The following MAGI1 variants were observed in gnomAD, a reference collection of about 807,000 sequenced individuals.
MAGI1 encodes membrane associated guanylate kinase, WW and PDZ domain containing 1.
In MAGI1, 58 loss-of-function variants were observed where a neutral mutation model predicts 139.9. The ratio of observed to expected loss-of-function variants is 0.41; its 90% CI spans 0.34 to 0.52. The LOEUF (loss-of-function observed/expected upper bound fraction) is 0.52. Among genes scored for constraint, MAGI1 ranks in the 20% least tolerant of loss-of-function variants. MAGI1 has a pLI of 0.12. For missense variants in MAGI1, 1,874 were observed against 1,901.6 expected (o/e 0.99, Z 0.27); for synonymous variants, 812 against 737.9 (o/e 1.10, Z -1.63).
intron 1 of MAGI1, among the ~76,000 whole-genome samples, chr3:65,634,475 G>A (rs1410413333): frequency 1.3e-5 from 2 of 152,150 alleles, no homozygotes; most frequent in African/African-American, 4.8e-5. Context: ...CTTCAAGCGA[G>A]GCTTGATTAG....
intron 2 of MAGI1, among the ~76,000 whole-genome samples, chr3:65,496,208 A>ATT (rs34556532): frequency 0.34 from 50,282 of 146,758 alleles, 9,238 homozygotes; most frequent in East Asian, 0.73. Context: ...CACCCAGCTA[A>ATT]TTTTTTTTTT....
intron 1 of MAGI1, among the ~76,000 whole-genome samples, chr3:65,852,876 C>T (rs1050915404): frequency 2.6e-5 from 4 of 151,380 alleles, no homozygotes; most frequent in Admixed American, 6.6e-5. Context: ...TGGCTCACAC[C>T]TGTAATCCCA....
At chr3:65,795,770 G>A (rs986541935) in intron 1 of MAGI1, among the ~76,000 whole-genome samples, 21 of 150,280 alleles carry the variant, frequency 1.4e-4, no homozygotes, top group African/African-American at 4.6e-4. Flanking sequence ...TGGTCAGGCC[G>A]AGGGGTGTGA....
chr3:65,666,638 G>A (rs1004617383), intron 1 of MAGI1, among the ~76,000 whole-genome samples: 32 of 152,160 alleles, frequency 2.1e-4, no homozygotes, highest in Admixed American at 1.1e-3. Flanking sequence ...TTGACCATGC[G>A]TTTCCTTTAC....
At chr3:65,915,628 G>A (rs766292061) in intron 1 of MAGI1, among the ~76,000 whole-genome samples, 2 of 152,136 alleles carry the variant, frequency 1.3e-5, no homozygotes, top group Non-Finnish European at 2.9e-5. Flanking sequence ...GTTTACAGCT[G>A]CACTGGTTGT....
intron 2 of MAGI1, among the ~76,000 whole-genome samples, chr3:65,571,583 C>T (rs1383941997): frequency 6.6e-6 from 1 of 151,378 alleles, no homozygotes; most frequent in Non-Finnish European, 1.5e-5. Flanking sequence ...AAGCGATAAG[C>T]AACCAACTTC....
chr3:65,541,901 G>A (rs1046121429), intron 2 of MAGI1, among the ~76,000 whole-genome samples: 14 of 152,280 alleles, frequency 9.2e-5, no homozygotes, highest in Middle Eastern at 3.4e-3. Flanking sequence ...ATTCAACATA[G>A]TGTTGGAAGT....
intron 1 of MAGI1, among the ~76,000 whole-genome samples, chr3:65,635,266 T>C (rs10428144): frequency 0.1 from 15,307 of 152,026 alleles, 1,926 homozygotes; most frequent in African/African-American, 0.3. Flanking sequence ...GATTTCACCA[T>C]GTCAGCCAGG....
intron 1 of MAGI1, among the ~76,000 whole-genome samples, chr3:65,848,030 G>A (rs996978522): frequency 6.6e-6 from 1 of 152,202 alleles, no homozygotes; most frequent in Non-Finnish European, 1.5e-5. Flanking sequence ...TAGCTCAGAA[G>A]TGATCAATAC....
chr3:65,955,267 A>T (rs898472977), intron 1 of MAGI1, among the ~76,000 whole-genome samples: 5 of 152,246 alleles, frequency 3.3e-5, no homozygotes, highest in African/African-American at 1.2e-4. Flanking sequence ...AAACTTTGGG[A>T]GGCCAAAGCA....
chr3:65,820,686 A>G (rs965589697), intron 1 of MAGI1, among the ~76,000 whole-genome samples: 3 of 152,094 alleles, frequency 2.0e-5, no homozygotes, highest in Non-Finnish European at 4.4e-5. Flanking sequence ...AAACTAACTC[A>G]AGTTCCCTAA....
chr3:66,015,173 T>TCTC (rs1428380995), intron 1 of MAGI1, among the ~76,000 whole-genome samples: 2 of 88,528 alleles, frequency 2.3e-5, no homozygotes, highest in African/African-American at 9.0e-5. Flanking sequence ...TGAGACCCTG[T>TCTC]CTCTACAAAA....
intron 1 of MAGI1, 67 bp from the exon 2 acceptor site, chr3:65,622,155 G>C: frequency 1.8e-6 from 2 of 1,111,758 alleles, no homozygotes; most frequent in Non-Finnish European, 2.8e-6. Flanking sequence ...AAGTAGCCAA[G>C]AACTGATTGC....
At chr3:65,587,157 T>C (rs1024568206) in intron 2 of MAGI1, among the ~76,000 whole-genome samples, 3 of 152,160 alleles carry the variant, frequency 2.0e-5, no homozygotes, top group African/African-American at 7.2e-5. Context: ...CTTAATGCCA[T>C]TGGGATACAG....
intron 1 of MAGI1, among the ~76,000 whole-genome samples, chr3:65,745,636 T>G (rs1330635716): frequency 1.3e-5 from 2 of 152,248 alleles, no homozygotes; most frequent in Non-Finnish European, 2.9e-5. Flanking sequence ...ATAGGCAAAT[T>G]TTATGCCTTT....
chr3:65,799,226 A>G (rs1472421481), intron 1 of MAGI1, among the ~76,000 whole-genome samples: 2 of 152,208 alleles, frequency 1.3e-5, no homozygotes, highest in East Asian at 1.9e-4. Context: ...TCAAACTACA[A>G]AAGTTATGGC....
intron 1 of MAGI1, among the ~76,000 whole-genome samples, chr3:65,985,943 T>C (rs1423928280): frequency 3.3e-5 from 5 of 152,232 alleles, no homozygotes; most frequent in African/African-American, 1.2e-4. Flanking sequence ...TTAGAACTGT[T>C]AGTCAAGAAG....
chr3:65,804,908 C>G (rs1438511280), intron 1 of MAGI1, among the ~76,000 whole-genome samples: 1 of 152,118 alleles, frequency 6.6e-6, no homozygotes, highest in Non-Finnish European at 1.5e-5. Flanking sequence ...AACTGGAACC[C>G]TTCCTTACAC....
At chr3:65,693,864 AGG>A (rs1237265428) in intron 1 of MAGI1, among the ~76,000 whole-genome samples, 153 of 151,338 alleles carry the variant, frequency 1.0e-3, no homozygotes, top group Non-Finnish European at 2.2e-4. Context: ...CTGGGATTAC[AGG>A]CGTGGACCAT....
Sources: allele counts gnomAD v4.1 joint callset (sites outside exome capture counted in the v4.1 genomes callset), GRCh38; gene constraint gnomAD v4.1.1; transcripts MANE v1.5; gene names NCBI Gene and HGNC (gene_info 2026-07-23, HGNC 2026-07-21).